Variants in FLG observed in about 807,000 individuals in gnomAD.
FLG encodes epidermal filaggrin.
Under a neutral mutation model 3.8 loss-of-function variants are expected in FLG, and 6 were observed. That is an observed-to-expected ratio of 1.60 (90% CI 0.87 to 3.15). FLG has a LOEUF of 3.15. Ranked by LOEUF, FLG falls within the 30% of genes most tolerant of loss-of-function variation. The pLI is 0.00. For missense variants in FLG, 7,595 were observed against 5,050.9 expected, an observed-to-expected ratio of 1.50 and a Z score of -15.27; for synonymous variants, 2,551 against 1,931.6, an observed-to-expected ratio of 1.32 and a Z score of -8.41.
At position 152,313,438 on chromosome 1, in the gene FLG, C is replaced by A. The variant is rs770405587; in HGVS notation, c.1448G>T (p.Gly483Val). ...STHEQPDSAH[G>V]RTGTSTGGRQ... The stretch of plus-strand genomic sequence containing the variant: ...TCCTCCAGTGCTGGTCCCGGTCCGT[C>A]CATGGGCAGAGTCAGGCTGTTCATG... The change falls in exon 3 of 3, where the codon GGA (glycine) becomes GTA (valine). Residue 483 changes from glycine to valine, a missense_variant. By Grantham distance (109) the Gly-to-Val change is moderately radical (BLOSUM62 -3). Transcript: ENST00000368799. The A allele has an allele frequency of 5.0e-6, 8 of 1,613,870 alleles. No individual in the cohort carries two copies. The South Asian group carries it at 8.8e-5, about 18-fold the overall frequency.
At chr1:152,321,625 A>C (rs2101658445) in intron 1 of FLG, among the ~76,000 whole-genome samples, 1 of 151,384 alleles carries the variant, frequency 6.6e-6, no homozygotes, top group South Asian at 2.1e-4. Context: ...CAATAAATAG[A>C]AAACCTAAAT....
Position 152,302,560 on chromosome 1 carries a change from A to C in FLG, c.*140T>G, listed in dbSNP as rs559885364. 8 of 1,092,324 alleles carry C rather than the reference A, an allele frequency of 7.3e-6. No individual in the cohort carries two copies. The East Asian group carries it at 1.8e-4, about 25-fold the overall frequency. 67.7% of individuals were successfully genotyped at this position (1,092,324 alleles called of 1,614,324 possible). A position where few individuals can be genotyped will look rare whatever the true frequency, so the allele number is the denominator to read the frequency against. On this transcript the variant is annotated 3_prime_UTR_variant, in exon 3 of 3. Coordinates refer to ENST00000368799, the MANE Select transcript of FLG (RefSeq NM_002016.2). ...ACACAATAAAAATAAGCTACCACCA[A>C]ACTAATGAAATACTATAGCATATTT...
intron 1 of FLG, among the ~76,000 whole-genome samples, chr1:152,318,942 G>A (rs1482443694): frequency 6.6e-6 from 1 of 151,788 alleles, no homozygotes; most frequent in Non-Finnish European, 1.5e-5. Context: ...TTGTGGTAGA[G>A]GGGACATTTG....
rs552832261 is a variant in FLG at position 152,311,225 on chromosome 1, G to C, written c.3661C>G (p.Arg1221Gly). 5 of 1,613,438 alleles carry C rather than the reference G, an allele frequency of 3.1e-6. No individual in the cohort carries two copies. The highest frequency in any genetic ancestry group is 2.2e-5 in the East Asian group (1 of 44,792). Reference protein sequence around the residue: ...SGSRSASRQTRKDKQSGDGSR... With the variant: ...SGSRSASRQTGKDKQSGDGSR... Reference sequence around the variant, plus strand: ...CCGTCTCCTGATTGTTTGTCCTTACGAGTTTGTCTGCTTGCACTTCTGGAT... The same window carrying C: ...CCGTCTCCTGATTGTTTGTCCTTACCAGTTTGTCTGCTTGCACTTCTGGAT... The change falls in exon 3 of 3, where the codon CGT becomes GGT. Residue 1221 changes from arginine (R) to glycine (G), a missense_variant. Arg to Gly is a moderately radical substitution (Grantham distance 125). Transcript: ENST00000368799.
At chr1:152,320,905 A>C (rs1308782601) in intron 1 of FLG, among the ~76,000 whole-genome samples, 1 of 151,070 alleles carries the variant, frequency 6.6e-6, no homozygotes, top group African/African-American at 2.4e-5. Flanking sequence ...GTGTTTGAAA[A>C]TTAATGACTT....
At chr1:152,323,284 A>T (rs1192823719) in intron 1 of FLG, among the ~76,000 whole-genome samples, 1 of 151,750 alleles carries the variant, frequency 6.6e-6, no homozygotes, top group Admixed American at 6.6e-5. Context: ...ATTAATAAGA[A>T]AAAGACTGAT....
Position 152,311,906 on chromosome 1 carries a change from C to G in FLG, c.2980G>C (p.Gly994Arg), listed in dbSNP as rs149595328. The stretch of plus-strand genomic sequence containing the variant: ...GAGCTGTCTGCAGAGTGCCCGTGAC[C>G]GGCTCTGTCTTCGTGATGGGACCTG... ...HPRSHHEDRA[G>R]HGHSADSSRQ... The change falls in exon 3 of 3, where the codon GGT (glycine) becomes CGT (arginine). Residue 994 changes from glycine (G) to arginine (R), a missense_variant. Gly to Arg is a moderately radical substitution (Grantham distance 125). Transcript: ENST00000368799. The G allele has an allele frequency of 2.5e-6, 4 of 1,613,656 alleles. No homozygotes were observed. The highest frequency in any genetic ancestry group is 2.2e-5 in the East Asian group (1 of 44,872).
chr1:152,319,054 T>C (rs1652874709), intron 1 of FLG, among the ~76,000 whole-genome samples: 1 of 151,604 alleles, frequency 6.6e-6, no homozygotes, highest in Non-Finnish European at 1.5e-5. Flanking sequence ...GCTTGTCATG[T>C]TAGAGATATA....
chr1:152,310,344 G>T lies in FLG; in HGVS notation c.4542C>A (p.His1514Gln). 6.2e-7 allele frequency: 1 copy of T among 1,613,906 alleles called. No individual in the cohort carries two copies. Among genetic ancestry groups the T allele is most frequent in the Non-Finnish European group, 8.5e-7 (1 of 1,180,000 alleles). The change falls in exon 3 of 3, where the codon CAC becomes CAA. Residue 1514 changes from histidine (H) to glutamine (Q), a missense_variant. His to Gln is a conservative substitution (Grantham distance 24). Coordinates refer to ENST00000368799, the MANE Select transcript of FLG (RefSeq NM_002016.2). ...TGGTGTGGCTGTGATGGTACCCTGA[G>T]TGTCCAGACCTATCTACTGATTGCT... Reference protein sequence around the residue: ...YHEQSVDRSGHSGYHHSHTTP... With the variant: ...YHEQSVDRSGQSGYHHSHTTP...
rs145014207 is a variant in FLG, at chr1:152,307,406, G to C, written c.7480C>G (p.His2494Asp). ...TCAGACCTTCCCTGGGATGTGGTGT[G>C]GCTGTGATGAGACCCTGAGTGTCCA... ...RSGHSGSHHS[H>D]TTSQGRSDAS... The change falls in exon 3 of 3, where the codon CAC becomes GAC. Residue 2494 changes from histidine (H) to aspartate (D), a missense_variant. His to Asp is a moderately conservative substitution (Grantham distance 81, BLOSUM62 -1). Coordinates refer to ENST00000368799, the MANE Select transcript of FLG (RefSeq NM_002016.2). The C allele has an allele frequency of 4.3e-6, 7 of 1,613,114 alleles. No individual in the cohort carries two copies. The highest frequency in any genetic ancestry group is 2.7e-5 in the African/African-American group (2 of 74,774).
At position 152,309,147 on chromosome 1, in the gene FLG, G is replaced by T. The variant is rs528102063; in HGVS notation, c.5739C>A (p.Asn1913Lys). The change falls in exon 3 of 3, where the codon AAC (asparagine) becomes AAA (lysine). Residue 1913 changes from asparagine to lysine, a missense_variant. Asn to Lys is a moderately conservative substitution (Grantham distance 94, BLOSUM62 0). Coordinates refer to ENST00000368799, the MANE Select transcript of FLG (RefSeq NM_002016.2). ...GQSSGPRTSR[N>K]QGSSVSQDSD... ...TGTCCTGGCTAACACTGGATCCCTG[G>T]TTCCTGCTTGTCCTGGGCCCTGATG... The T allele has an allele frequency of 5.8e-5, 93 of 1,613,622 alleles. No homozygotes were observed. The highest frequency in any genetic ancestry group is 7.7e-5 in the Non-Finnish European group (91 of 1,179,670).
chr1:152,303,527 G>A lies in FLG; in HGVS notation c.11359C>T (p.His3787Tyr), dbSNP rs553409942. ...SVDRSGHSGS[H>Y]HSHTTSQGRS... ...CCCTGGGATGTGGTGTGGCTGTGAT[G>A]GGACCCTGAGTGTCCAGACCTATCT... The change falls in exon 3 of 3, where the codon CAT (histidine) becomes TAT (tyrosine). Residue 3787 changes from histidine (H) to tyrosine (Y), a missense_variant. Physicochemically the swap from His to Tyr is moderately conservative, Grantham distance 83. Transcript: ENST00000368799. The A allele has an allele frequency of 1.9e-6, 3 of 1,614,066 alleles. No homozygotes were observed. Among genetic ancestry groups the A allele is most frequent in the African/African-American group, 1.3e-5 (1 of 75,012 alleles).
intron 1 of FLG, among the ~76,000 whole-genome samples, chr1:152,320,894 A>G (rs1004696748): frequency 1.3e-5 from 2 of 151,034 alleles, no homozygotes; most frequent in African/African-American, 2.4e-5. Context: ...AAAATCTTTA[A>G]GTGTTTGAAA....
At position 152,314,556 on chromosome 1, in the gene FLG, A is replaced by C; in HGVS notation, c.330T>G (p.His110Gln). 1 of 1,612,762 alleles carries C rather than the reference A, an allele frequency of 6.2e-7. No homozygotes were observed. Reference sequence around the variant, plus strand: ...TGTTTTCTTCCTGTTTATTATCTTCATGTTTATCATGATGACTGTGCTTTC... The same window carrying C: ...TGTTTTCTTCCTGTTTATTATCTTCCTGTTTATCATGATGACTGTGCTTTC... ...KHRKHSHHDK[H>Q]EDNKQEENKE... The change falls in exon 3 of 3, where the codon CAT becomes CAG. Residue 110 changes from histidine (H) to glutamine (Q), a missense_variant. His to Gln is a conservative substitution (Grantham distance 24, BLOSUM62 0). Transcript: ENST00000368799.
In FLG at chr1:152,309,503, C is replaced by G. The variant is rs140424742; in HGVS notation, c.5383G>C (p.Glu1795Gln). ...TGCCTGGAGCTGTCTCGTGCCTGCT[C>G]GTGGCGGGATCTTTGTCTTCCTCCA... Reference protein sequence around the residue: ...STGGRQRSRHEQARDSSRHSA... With the variant: ...STGGRQRSRHQQARDSSRHSA... Residue 1795 changes from glutamate to glutamine, a missense_variant, in exon 3 of 3, where the codon GAG becomes CAG. Coordinates refer to ENST00000368799, the MANE Select transcript of FLG (RefSeq NM_002016.2). 3 of 1,613,812 alleles carry G rather than the reference C, an allele frequency of 1.9e-6. No individual in the cohort carries two copies. Among genetic ancestry groups the G allele is most frequent in the Non-Finnish European group, 2.5e-6 (3 of 1,179,964 alleles).
Position 152,307,900 on chromosome 1 carries a change from C to T in FLG, c.6986G>A (p.Arg2329Lys). 3 of 1,613,360 alleles carry T rather than the reference C, an allele frequency of 1.9e-6. No individual in the cohort carries two copies. The highest frequency in any genetic ancestry group is 1.1e-5 in the South Asian group (1 of 90,946). Residue 2329 changes from arginine (R) to lysine (K), a missense_variant, in exon 3 of 3, where the codon AGA (arginine) becomes AAA (lysine). Transcript: ENST00000368799. The part of the protein sequence containing the change: ...HEQARSSAGE[R>K]HGSHHQQSAD... Reference sequence around the variant, plus strand: ...TGACTGCTGGTGGTGGGATCCGTGTCTCTCTCCTGCACTTGATCTTGCCTG... The same window carrying T: ...TGACTGCTGGTGGTGGGATCCGTGTTTCTCTCCTGCACTTGATCTTGCCTG...
At chr1:152,322,615 G>T (rs1017483870) in intron 1 of FLG, among the ~76,000 whole-genome samples, 40 of 150,976 alleles carry the variant, frequency 2.6e-4, no homozygotes, top group African/African-American at 9.4e-4. Context: ...CTGAGAAAAT[G>T]AAATAGGAAA....
At chr1:152,320,351 A>C (rs544377850) in intron 1 of FLG, among the ~76,000 whole-genome samples, 1 of 151,034 alleles carries the variant, frequency 6.6e-6, no homozygotes, top group South Asian at 2.1e-4. Context: ...ATTAAAAAAA[A>C]CCAACTGTAT....
In FLG at chr1:152,309,157, G is replaced by A. The variant is rs550114260; in HGVS notation, c.5729C>T (p.Thr1910Ile). 7 of 1,613,474 alleles carry A rather than the reference G, an allele frequency of 4.3e-6. No individual in the cohort carries two copies. The highest frequency in any genetic ancestry group is 5.9e-6 in the Non-Finnish European group (7 of 1,179,634). ...AACACTGGATCCCTGGTTCCTGCTT[G>A]TCCTGGGCCCTGATGATTGTCCCTG... ...VGQGQSSGPRTSRNQGSSVSQ... is the reference protein window; with the variant it reads ...VGQGQSSGPRISRNQGSSVSQ... Residue 1910 changes from threonine to isoleucine, a missense_variant, in exon 3 of 3, where the codon ACA becomes ATA. Thr to Ile is a moderately conservative substitution (Grantham distance 89). Transcript: ENST00000368799.
Sources: gnomAD v4.1 joint callset for allele counts (sites outside exome capture counted in the v4.1 genomes callset) on GRCh38, gnomAD v4.1.1 for gene constraint, MANE v1.5 for transcripts, NCBI Gene and HGNC (gene_info 2026-07-23, HGNC 2026-07-21) for gene names.